PTPRB: variants seen among roughly 807,000 people sequenced by gnomAD.
PTPRB encodes receptor-type tyrosine-protein phosphatase beta.
PTPRB carries 97 observed loss-of-function variants against 238.1 expected under a neutral mutation model. The observed-to-expected ratio is 0.41, with a 90% CI of 0.35 to 0.48. The LOEUF is 0.48. Ranked by LOEUF, PTPRB falls within the 20% of genes least tolerant of loss-of-function variation. PTPRB has a pLI of 0.30. For missense variants in PTPRB, 2,292 were observed against 2,681.9 expected, an observed-to-expected ratio of 0.85 and a Z score of 3.21; for synonymous variants, 970 against 995.4, an observed-to-expected ratio of 0.97 and a Z score of 0.48.
At chr12:70,622,274 T>C in intron 3 of PTPRB, 116 bp downstream of exon 3, 1 of 1,407,756 alleles carries the variant, frequency 7.1e-7, no homozygotes, top group African/African-American at 1.5e-5. Flanking sequence ...GGACACAGGG[T>C]GAGAGTGCCT....
At chr12:70,589,870 G>A in intron 8 of PTPRB, 94 bp downstream of exon 8, 1 of 1,215,172 alleles carries the variant, frequency 8.2e-7, no homozygotes, top group Non-Finnish European at 1.2e-6. Flanking sequence ...AAACACCAGG[G>A]TATGATATTA....
chr12:70,550,408 G>A (rs1876706112), intron 21 of PTPRB, among the ~76,000 whole-genome samples: 2 of 152,154 alleles, frequency 1.3e-5, no homozygotes, highest in Admixed American at 6.5e-5. Flanking sequence ...GGAGAAAGCA[G>A]GGCTCAGTGT....
In PTPRB at chr12:70,576,662, T is replaced by TTGGGG. The variant is rs1555230172; in HGVS notation, c.2579-18_2579-17insCCCCA. 1.3e-4 allele frequency: 2 copies of TTGGGG among 15,194 alleles called. No individual in the cohort carries two copies. Among genetic ancestry groups the TTGGGG allele is most frequent in the African/African-American group, 6.5e-4 (2 of 3,076 alleles). 0.9% of individuals were successfully genotyped at this position (15,194 alleles called of 1,614,324 possible). A position where few individuals can be genotyped will look rare whatever the true frequency, so the allele number is the denominator to read the frequency against. On this transcript the variant is annotated splice_polypyrimidine_tract_variant and intron_variant, in intron 10 of 33. Transcript: ENST00000334414. Reference sequence around the variant, plus strand: ...TGGAAGGGACTGTGATTTTGAAAGGTGGGGGGCGGGGGGGGGGGGGAAGGG... The same window carrying TTGGGG: ...TGGAAGGGACTGTGATTTTGAAAGGTTGGGGGGGGGGCGGGGGGGGGGGGGAAGGG...
At chr12:70,600,193 G>A (rs1295091898) in intron 4 of PTPRB, among the ~76,000 whole-genome samples, 1 of 152,122 alleles carries the variant, frequency 6.6e-6, no homozygotes, top group Non-Finnish European at 1.5e-5. Context: ...CAATCCATGA[G>A]TTGGTGCCAA....
rs768130254 is a variant in PTPRB, at chr12:70,538,158, G to C, written c.5943C>G (p.Ile1981Met). ...TATGGCCTAGTGGGTCACTTACAGG[G>C]ATGTAGCTGGCATTGATGTAGTCAG... ...PCSDYINASY[I>M]PGNNFRREYI... The change falls in exon 28 of 34, where the codon ATC (isoleucine) becomes ATG (methionine). Residue 1981 changes from isoleucine (I) to methionine (M), a missense_variant. By Grantham distance (10) the Ile-to-Met change is conservative. This residue lies in a region of PTPRB where 397 missense variants were observed against 502.0 expected (regional missense o/e 0.79). Transcript: ENST00000334414. The C allele has an allele frequency of 2.5e-6, 4 of 1,612,874 alleles. No homozygotes were observed. Among genetic ancestry groups the C allele is most frequent in the Non-Finnish European group, 1.7e-6 (2 of 1,179,214 alleles).
chr12:70,561,012 A>G lies in PTPRB; in HGVS notation c.4169-78T>C, dbSNP rs140815645. On this transcript the variant is annotated intron_variant, in intron 16 of 33. Coordinates refer to ENST00000334414, the MANE Select transcript of PTPRB (RefSeq NM_001109754.4). Reference sequence around the variant, plus strand: ...TGGCCCACAGGTGAGAGTATATGCTATGTTGGGCATGTGGGTGAGTCGTAC... The same window carrying G: ...TGGCCCACAGGTGAGAGTATATGCTGTGTTGGGCATGTGGGTGAGTCGTAC... 6.4e-3 allele frequency: 9,043 copies of G among 1,406,164 alleles called. 44 individuals are homozygous for G. Among genetic ancestry groups the G allele is most frequent in the Admixed American group, 9.5e-3 (518 of 54,460 alleles). The allele number at this position is 1,406,164 out of a possible 1,614,324, so 87.1% of individuals were successfully genotyped here.
chr12:70,580,585 C>T (rs575450509), intron 10 of PTPRB, among the ~76,000 whole-genome samples: 88 of 151,926 alleles, frequency 5.8e-4, no homozygotes, highest in Non-Finnish European at 5.9e-4. Context: ...TTTGGGAGGC[C>T]GAGGCGGGTG....
intron 4 of PTPRB, among the ~76,000 whole-genome samples, chr12:70,596,915 C>T (rs1023189011): frequency 6.7e-6 from 1 of 148,252 alleles, no homozygotes; most frequent in Non-Finnish European, 1.5e-5. Flanking sequence ...CCCTATATCC[C>T]TAGATTTTTT....
At chr12:70,634,405 A>G (rs1206738661) in intron 2 of PTPRB, among the ~76,000 whole-genome samples, 1 of 152,222 alleles carries the variant, frequency 6.6e-6, no homozygotes, top group African/African-American at 2.4e-5. Context: ...AGGTGGTTGT[A>G]GAGGAAAAAA....
At chr12:70,610,038 A>T (rs1326536888) in intron 3 of PTPRB, among the ~76,000 whole-genome samples, 1 of 151,964 alleles carries the variant, frequency 6.6e-6, no homozygotes, top group Non-Finnish European at 1.5e-5. Flanking sequence ...GGGGACAGGC[A>T]GCGCGCCGCC....
In PTPRB at chr12:70,534,930, G is replaced by T. The variant is rs762221460; in HGVS notation, c.6107C>A (p.Ala2036Glu). Residue 2036 changes from alanine to glutamate, a missense_variant, in exon 30 of 34, where the codon GCG becomes GAG. Ala to Glu is a moderately radical substitution (Grantham distance 107). Around this residue, in one of 4 missense-constraint regions of PTPRB, gnomAD observed 397 missense variants for 502.0 expected, o/e 0.79. Transcript: ENST00000334414. ...GRVKCDHYWP[A>E]DQDSLYYGDL... The stretch of plus-strand genomic sequence containing the variant: ...CCCATAGTAGAGGGAATCCTGGTCC[G>T]CTGGCCAGTAATGATCACACTTTAC... The T allele has an allele frequency of 1.2e-6, 2 of 1,613,698 alleles. No individual in the cohort carries two copies. Among genetic ancestry groups the T allele is most frequent in the African/African-American group, 1.3e-5 (1 of 75,020 alleles).
chr12:70,585,239 G>A (rs1592536051), intron 9 of PTPRB: 1 of 152,256 alleles, frequency 6.6e-6, no homozygotes. Flanking sequence ...GATTACAGAT[G>A]TGAGCCACGG....
At chr12:70,576,869 G>A (rs1225461559) in intron 10 of PTPRB, among the ~76,000 whole-genome samples, 6 of 152,006 alleles carry the variant, frequency 3.9e-5, no homozygotes, top group African/African-American at 9.7e-5. Context: ...AAAAATGTCC[G>A]GAGGCCTTTG....
chr12:70,560,927 G>A lies in PTPRB; in HGVS notation c.4176C>T (p.Ala1392=). ...TGGACCCCCTGAGATGACTCACAGA[G>A]GCTGGGACTTAAACAGAAGAAAAAT... ...ESFIFGRTVP[A]SVSHLRGSNR... is the part of the protein sequence containing the mutation. Residue 1392 remains alanine (A), a synonymous_variant, in exon 17 of 34, where the codon GCC becomes GCT. Transcript: ENST00000334414. This position sits in a 1 kb window ranked among gnomAD's most constrained non-coding sequence, Gnocchi z 4.2. 6.2e-7 allele frequency: 1 copy of A among 1,612,676 alleles called. No individual in the cohort carries two copies. Among genetic ancestry groups the A allele is most frequent in the Non-Finnish European group, 8.5e-7 (1 of 1,178,952 alleles).
rs1871310537 is a variant in PTPRB, at chr12:70,517,867, T to C, written c.*3622A>G. 6.6e-6 allele frequency: 1 copy of C among 152,134 alleles called. No individual in the cohort carries two copies. The highest frequency in any genetic ancestry group is 2.1e-4 in the South Asian group (1 of 4,824). 9.4% of individuals were successfully genotyped at this position (152,134 alleles called of 1,614,324 possible). A position where few individuals can be genotyped will look rare whatever the true frequency, so the allele number is the denominator to read the frequency against. ...TCTTAGAAAGCTAAGTGAATGAGAA[T>C]TTAGTATATGGCCAATAATATTATT... On this transcript the variant is annotated 3_prime_UTR_variant, in exon 34 of 34. Transcript: ENST00000334414.
chr12:70,611,682 A>T (rs949905052), intron 3 of PTPRB, among the ~76,000 whole-genome samples: 1 of 152,376 alleles, frequency 6.6e-6, no homozygotes, highest in East Asian at 1.9e-4. Context: ...GAGATTCTAC[A>T]GACTTTTAAT....
chr12:70,589,929 C>A, intron 8 of PTPRB, 35 bp downstream of exon 8: 2 of 1,591,958 alleles, frequency 1.3e-6, no homozygotes, highest in Admixed American at 1.7e-5. Context: ...ACAAATTACT[C>A]TTCCATTGGT....
chr12:70,587,402 A>G, intron 8 of PTPRB, 135 bp from the exon 9 acceptor site: 2 of 1,091,294 alleles, frequency 1.8e-6, no homozygotes, highest in Non-Finnish European at 2.6e-6. Context: ...TCTGAGCATT[A>G]AAACAAAATC....
chr12:70,578,462 C>A (rs1483197650), intron 10 of PTPRB, among the ~76,000 whole-genome samples: 1 of 152,142 alleles, frequency 6.6e-6, no homozygotes, highest in East Asian at 1.9e-4. Flanking sequence ...ATAATGTGCA[C>A]TCTTCATATG....
Sources: allele counts gnomAD v4.1 joint callset (sites outside exome capture counted in the v4.1 genomes callset), GRCh38; gene constraint gnomAD v4.1.1; regional missense constraint gnomAD v4.1.1; non-coding constraint Gnocchi (gnomAD v3.1); transcripts MANE v1.5; gene names NCBI Gene and HGNC (gene_info 2026-07-23, HGNC 2026-07-21).